SYN3: variants seen among roughly 807,000 people sequenced by gnomAD.
SYN3 encodes synapsin III.
A neutral mutation model predicts 65.8 loss-of-function variants in SYN3; 35 were observed. That is an observed-to-expected ratio of 0.53 (90% CI 0.41 to 0.70). The LOEUF is 0.70. SYN3 is among the 30% of genes least tolerant of loss of function. SYN3 has a pLI of 0.00. For missense variants in SYN3, 680 were observed against 749.0 expected (o/e 0.91, Z 1.08); for synonymous variants, 270 against 292.9 (o/e 0.92, Z 0.80).
At chr22:32,534,949 G>A (rs1490326552) in intron 9 of SYN3, among the ~76,000 whole-genome samples, 2 of 152,096 alleles carry the variant, frequency 1.3e-5, no homozygotes, top group African/African-American at 2.4e-5. Context: ...GCTGTAGCAC[G>A]GAGCATGTGA....
chr22:32,993,688 A>G (rs1194038238), intron 2 of SYN3, among the ~76,000 whole-genome samples: 1 of 152,166 alleles, frequency 6.6e-6, no homozygotes, highest in African/African-American at 2.4e-5. Context: ...TCCAACACAG[A>G]GGGTGTAGAT....
intron 6 of SYN3, among the ~76,000 whole-genome samples, chr22:32,756,271 C>A: frequency 6.6e-6 from 1 of 151,364 alleles, no homozygotes. Context: ...AAGCAAAAAT[C>A]AAACAGAAAT....
At chr22:32,847,859 C>T (rs80103032) in intron 6 of SYN3, among the ~76,000 whole-genome samples, 4,587 of 152,306 alleles carry the variant, frequency 0.03, 250 homozygotes, top group African/African-American at 0.11. Flanking sequence ...CATAAGCAAG[C>T]CCCATTCCAA....
intron 3 of SYN3, among the ~76,000 whole-genome samples, chr22:32,978,407 G>C (rs2052272456): frequency 6.6e-6 from 1 of 152,192 alleles, no homozygotes; most frequent in East Asian, 1.9e-4. Flanking sequence ...GGAGGAGTAG[G>C]GTGGGCGCAG....
chr22:32,752,022 G>T (rs1422614524), intron 6 of SYN3, among the ~76,000 whole-genome samples: 1 of 152,142 alleles, frequency 6.6e-6, no homozygotes, highest in East Asian at 1.9e-4. Context: ...TTCCTCATTA[G>T]ATGATAACCT....
At chr22:32,566,635 T>A (rs1569044896) in intron 7 of SYN3, among the ~76,000 whole-genome samples, 1 of 152,218 alleles carries the variant, frequency 6.6e-6, no homozygotes, top group Non-Finnish European at 1.5e-5. Context: ...TCATGAATTA[T>A]CTTTGCCAGA....
In SYN3 at chr22:32,925,429, C is replaced by A. The variant is rs182934082; in HGVS notation, c.461+5961G>T. ...CAGGGGAGCATAATTCATCTCATAACAACTGCCTTCAAAGTCTGCCATTCC... is the reference window on the plus strand; with the variant it reads ...CAGGGGAGCATAATTCATCTCATAAAAACTGCCTTCAAAGTCTGCCATTCC... On this transcript the variant is annotated intron_variant, in intron 4 of 13. Transcript: ENST00000358763. Among the ~76,000 whole-genome samples, 325 of 152,328 alleles carry A rather than the reference C, an allele frequency of 2.1e-3. 1 individual carries two copies. The highest frequency in any genetic ancestry group is 7.7e-3 in the African/African-American group (319 of 41,576).
intron 6 of SYN3, among the ~76,000 whole-genome samples, chr22:32,681,662 G>A (rs2060524404): frequency 6.6e-6 from 1 of 152,196 alleles, no homozygotes; most frequent in Non-Finnish European, 1.5e-5. Flanking sequence ...ATTCACAATA[G>A]TACCTCACTT....
At chr22:33,045,459 CTTTTTTTTT>C (rs745442160) in intron 1 of SYN3, among the ~76,000 whole-genome samples, 86 of 84,724 alleles carry the variant, frequency 1.0e-3, no homozygotes, top group Middle Eastern at 0.013. Context: ...GCTCTACTTT[CTTTTTTTTT>C]TTTTTTTTTT....
rs1175972783 is a variant in SYN3 at position 32,741,348 on chromosome 22, T to G, written c.711+123567A>C. 8.1e-3 allele frequency among the ~76,000 whole-genome samples: 520 copies of G among 64,036 alleles called. 7 individuals are homozygous for G. The highest frequency in any genetic ancestry group is 0.028 in the African/African-American group (481 of 17,216). 42.0% of individuals were successfully genotyped at this position (64,036 alleles called of 152,430 possible). ...CAAGCATTCTGGCTCTAGAGCCCAA[T>G]TTTTTTTTTTTTTTTTTTTTTTTTT... On this transcript the variant is annotated intron_variant, in intron 6 of 13. Coordinates refer to ENST00000358763, the MANE Select transcript of SYN3 (RefSeq NM_003490.4).
intron 4 of SYN3, among the ~76,000 whole-genome samples, chr22:32,872,001 C>T (rs1465436277): frequency 6.6e-6 from 1 of 152,106 alleles, no homozygotes; most frequent in African/African-American, 2.4e-5. Context: ...TCTCTTCCTT[C>T]AATTCCCTAG....
chr22:33,042,582 C>T (rs1455241936), intron 1 of SYN3, among the ~76,000 whole-genome samples: 1 of 152,160 alleles, frequency 6.6e-6, no homozygotes, highest in Non-Finnish European at 1.5e-5. Flanking sequence ...TTTCTCGTAA[C>T]AGCAAACAGT....
At chr22:32,850,425 A>G (rs1477977165) in intron 6 of SYN3, among the ~76,000 whole-genome samples, 1 of 152,082 alleles carries the variant, frequency 6.6e-6, no homozygotes, top group African/African-American at 2.4e-5. Context: ...CGGGTGGTAT[A>G]CAATGGAAGG....
chr22:32,653,040 C>G (rs1378567542), intron 6 of SYN3, among the ~76,000 whole-genome samples: 1 of 152,192 alleles, frequency 6.6e-6, no homozygotes, highest in Non-Finnish European at 1.5e-5. Context: ...GTAATTCCCT[C>G]TGTGGGTGCT....
intron 6 of SYN3, among the ~76,000 whole-genome samples, chr22:32,707,573 T>C (rs1248871051): frequency 3.3e-5 from 5 of 152,192 alleles, no homozygotes; most frequent in Non-Finnish European, 7.3e-5. Flanking sequence ...AACTTTATCT[T>C]CCTGGGACTT....
intron 1 of SYN3, among the ~76,000 whole-genome samples, chr22:33,009,332 T>C (rs944683069): frequency 6.6e-6 from 1 of 152,232 alleles, no homozygotes; most frequent in African/African-American, 2.4e-5. Context: ...GCATAGTATC[T>C]TATTGTGTTT....
At chr22:32,585,389 C>T (rs2059008614) in intron 7 of SYN3, among the ~76,000 whole-genome samples, 1 of 152,230 alleles carries the variant, frequency 6.6e-6, no homozygotes, top group African/African-American at 2.4e-5. Context: ...CTTATCTCCC[C>T]ATCTCCTATT....
chr22:32,671,300 G>A (rs915012453), intron 6 of SYN3, among the ~76,000 whole-genome samples: 3 of 150,350 alleles, frequency 2.0e-5, no homozygotes, highest in Admixed American at 6.6e-5. Flanking sequence ...TCACAGACAC[G>A]CACACATTCA....
chr22:33,052,084 T>A (rs1239137413), intron 1 of SYN3, among the ~76,000 whole-genome samples: 1 of 152,094 alleles, frequency 6.6e-6, no homozygotes, highest in Non-Finnish European at 1.5e-5. Context: ...AGGGAGACCA[T>A]CCTGCCCAAG....
Sources: allele counts gnomAD v4.1 joint callset (sites outside exome capture counted in the v4.1 genomes callset), GRCh38; gene constraint gnomAD v4.1.1; transcripts MANE v1.5; gene names NCBI Gene and HGNC (gene_info 2026-07-23, HGNC 2026-07-21).